Variants in LUZP2 observed in about 807,000 individuals in gnomAD.
The protein encoded by LUZP2 is leucine zipper protein 2.
LUZP2 carries 52 observed loss-of-function variants against 51.6 expected under a neutral mutation model. The ratio of observed to expected loss-of-function variants is 1.01; its 90% CI spans 0.81 to 1.27. The LOEUF (loss-of-function observed/expected upper bound fraction) is 1.27. Among genes scored for constraint, LUZP2 ranks in the 50% most tolerant of loss-of-function variants. LUZP2 has a pLI of 0.00. For synonymous variants in LUZP2, 154 were observed against 137.3 expected (o/e 1.12, Z -0.85); for missense variants, 436 against 395.4 (o/e 1.10, Z -0.87).
chr11:24,622,382 G>T (rs1854528654), intron 1 of LUZP2, among the ~76,000 whole-genome samples: 1 of 151,560 alleles, frequency 6.6e-6, no homozygotes, highest in African/African-American at 2.4e-5. Context: ...TGCGGTGTTT[G>T]TTTTTTTGTC....
At chr11:24,729,315 T>C (rs369689444) in intron 2 of LUZP2, 29 bp downstream of exon 2, 25 of 1,213,848 alleles carry the variant, frequency 2.1e-5, no homozygotes, top group African/African-American at 4.6e-5. Flanking sequence ...TTCCGAGCAG[T>C]AAAAGAGGAG....
chr11:25,010,860 A>G (rs1856964893), intron 9 of LUZP2, among the ~76,000 whole-genome samples: 1 of 151,088 alleles, frequency 6.6e-6, no homozygotes, highest in Admixed American at 6.6e-5. Context: ...AATAATAATA[A>G]TAACATAATA....
intron 1 of LUZP2, among the ~76,000 whole-genome samples, chr11:24,666,993 G>A (rs367622370): frequency 1.3e-5 from 2 of 151,684 alleles, no homozygotes; most frequent in Admixed American, 6.6e-5. Flanking sequence ...TAACCCTTTC[G>A]CCCCATCATC....
chr11:24,718,262 T>G (rs549432709), intron 1 of LUZP2, among the ~76,000 whole-genome samples: 1 of 152,266 alleles, frequency 6.6e-6, no homozygotes, highest in Non-Finnish European at 1.5e-5. Context: ...TGTTCCGTAT[T>G]CCAATACTTA....
chr11:24,663,284 TA>T (rs1856083469), intron 1 of LUZP2, among the ~76,000 whole-genome samples: 1 of 152,090 alleles, frequency 6.6e-6, no homozygotes, highest in Admixed American at 6.6e-5. Context: ...TCTGATGGTT[TA>T]AAAGTTGTTT....
At position 24,599,115 on chromosome 11, in the gene LUZP2, G is replaced by T. The variant is rs77180860; in HGVS notation, c.62+101810G>T. On this transcript the variant is annotated intron_variant, in intron 1 of 11. Coordinates refer to ENST00000336930, the MANE Select transcript of LUZP2 (RefSeq NM_001009909.4). ...AACTGTCAAATGCTGAACCTCCCTT[G>T]GAGCTAGAAAATGTTTTCTTCATCA... Among the ~76,000 whole-genome samples the T allele has an allele frequency of 3.8e-4, 58 of 152,166 alleles. No individual in the cohort carries two copies. The East Asian group carries it at 0.011, about 28-fold the overall frequency.
intron 9 of LUZP2, among the ~76,000 whole-genome samples, chr11:24,992,622 C>CATGTCAGAG (rs1253738316): frequency 6.6e-6 from 1 of 152,060 alleles, no homozygotes; most frequent in East Asian, 1.9e-4. Flanking sequence ...TTTAAAAGGA[C>CATGTCAGAG]ATGTCAGAGT....
chr11:24,813,147 G>A (rs1438896554), intron 5 of LUZP2, among the ~76,000 whole-genome samples: 2 of 152,102 alleles, frequency 1.3e-5, no homozygotes, highest in African/African-American at 2.4e-5. Context: ...TTACTTAGGT[G>A]ATCATCTCCC....
chr11:24,528,930 A>G (rs1332859854), intron 1 of LUZP2, among the ~76,000 whole-genome samples: 1 of 151,208 alleles, frequency 6.6e-6, no homozygotes, highest in African/African-American at 2.4e-5. Flanking sequence ...TTATACACAT[A>G]GTAGGTGATC....
chr11:24,704,042 A>G (rs1347742017), intron 1 of LUZP2, among the ~76,000 whole-genome samples: 1 of 152,226 alleles, frequency 6.6e-6, no homozygotes, highest in Non-Finnish European at 1.5e-5. Context: ...AATAAAACTT[A>G]ATAAAATAAA....
At chr11:24,648,391 T>C (rs1158614013) in intron 1 of LUZP2, among the ~76,000 whole-genome samples, 2 of 151,954 alleles carry the variant, frequency 1.3e-5, no homozygotes, top group Non-Finnish European at 2.9e-5. Flanking sequence ...CTCTAATATA[T>C]ACTACATATT....
At chr11:24,502,675 C>T (rs115454334) in intron 1 of LUZP2, among the ~76,000 whole-genome samples, 197 of 152,248 alleles carry the variant, frequency 1.3e-3, no homozygotes, top group African/African-American at 4.3e-3. Context: ...CATGAGCCAC[C>T]GTGCCCAGCC....
intron 1 of LUZP2, among the ~76,000 whole-genome samples, chr11:24,533,440 G>T (rs1257799293): frequency 7.3e-5 from 11 of 151,120 alleles, no homozygotes. Context: ...TACTTGCACG[G>T]TTGTCTTTTC....
At chr11:24,564,644 A>G (rs1395719745) in intron 1 of LUZP2, among the ~76,000 whole-genome samples, 1 of 152,116 alleles carries the variant, frequency 6.6e-6, no homozygotes, top group East Asian at 1.9e-4. Context: ...GGTCAGTCTC[A>G]TTTATCTAGA....
rs148645711 is a variant in LUZP2, at chr11:24,979,414, A to G, written c.597+2749A>G. On this transcript the variant is annotated intron_variant, in intron 8 of 11. Coordinates refer to ENST00000336930, the MANE Select transcript of LUZP2 (RefSeq NM_001009909.4). ...TGGATAAAAACTACAGTTTAATGAA[A>G]TAGATTTTCCCCTCTCTCCATCATC... Among the ~76,000 whole-genome samples the G allele has an allele frequency of 1.8e-3, 276 of 151,962 alleles. 2 individuals carry two copies. The highest frequency in any genetic ancestry group is 6.3e-3 in the African/African-American group (262 of 41,522).
At chr11:24,983,418 A>C in intron 9 of LUZP2, 125 bp downstream of exon 9, 1 of 975,838 alleles carries the variant, frequency 1.0e-6, no homozygotes, top group Non-Finnish European at 1.5e-6. Flanking sequence ...GATTAGGAGG[A>C]AAATGGAAGG....
chr11:24,923,125 G>A (rs1472905908), intron 7 of LUZP2, among the ~76,000 whole-genome samples: 1 of 151,738 alleles, frequency 6.6e-6, no homozygotes, highest in African/African-American at 2.4e-5. Context: ...TGGGATGACC[G>A]GCGTGAGCCA....
At chr11:24,538,353 T>C (rs1187157081) in intron 1 of LUZP2, among the ~76,000 whole-genome samples, 1 of 151,676 alleles carries the variant, frequency 6.6e-6, no homozygotes, top group Non-Finnish European at 1.5e-5. Context: ...AACTATACAA[T>C]TATAAGAAGA....
chr11:24,936,793 G>A (rs1854599516), intron 7 of LUZP2, among the ~76,000 whole-genome samples: 2 of 152,004 alleles, frequency 1.3e-5, no homozygotes, highest in Admixed American at 1.3e-4. Flanking sequence ...TTAGTCAGAG[G>A]CCAAAATTCA....
Sources: allele counts gnomAD v4.1 joint callset (sites outside exome capture counted in the v4.1 genomes callset), GRCh38; gene constraint gnomAD v4.1.1; transcripts MANE v1.5; gene names NCBI Gene and HGNC (gene_info 2026-07-23, HGNC 2026-07-21).